MT4: variants seen among roughly 807,000 people sequenced by gnomAD.
MT4 encodes the protein metallothionein 4.
Under a neutral mutation model 9.5 loss-of-function variants are expected in MT4, and 11 were observed. The observed-to-expected ratio is 1.16, with a 90% CI of 0.73 to 1.92. The LOEUF is 1.92. MT4 is among the 30% of genes most tolerant of loss of function. The probability of loss-of-function intolerance (pLI) is 0.00; values close to 1 mark genes in which losing one functional copy is unlikely to be tolerated. For missense variants in MT4, 88 were observed against 78.7 expected, an observed-to-expected ratio of 1.12 and a Z score of -0.45; for synonymous variants, 29 against 24.6, an observed-to-expected ratio of 1.18 and a Z score of -0.53.
intron 1 of MT4, among the ~76,000 whole-genome samples, chr16:56,566,691 A>G (rs1234530130): frequency 2.3e-5 from 3 of 130,006 alleles, no homozygotes; most frequent in Non-Finnish European, 4.8e-5. Flanking sequence ...AAGAAAAGAA[A>G]GAAAGAAAGA....
Position 56,565,082 on chromosome 16 carries a change from C to T in MT4, c.-47C>T. The T allele has an allele frequency of 6.2e-7, 1 of 1,611,874 alleles. No homozygotes were observed. Among genetic ancestry groups the T allele is most frequent in the Non-Finnish European group, 8.5e-7 (1 of 1,178,802 alleles). On this transcript the variant is annotated 5_prime_UTR_variant, in exon 1 of 3. Coordinates refer to ENST00000219162, the MANE Select transcript of MT4 (RefSeq NM_032935.3). Reference sequence around the variant, plus strand: ...CCTCTGGCTGCTGCTCACTCAGCCTCCCTTCCCCAGCCGTGACAGCACTGG... The same window carrying T: ...CCTCTGGCTGCTGCTCACTCAGCCTTCCTTCCCCAGCCGTGACAGCACTGG...
chr16:56,567,217 T>C (rs1489451682), intron 1 of MT4, among the ~76,000 whole-genome samples: 1 of 151,124 alleles, frequency 6.6e-6, no homozygotes, highest in Non-Finnish European at 1.5e-5. Context: ...AGAGATGGGG[T>C]TTCTCCATGT....
chr16:56,567,680 C>T (rs140589729), intron 1 of MT4, 71 bp from the exon 2 acceptor site: 36 of 1,409,746 alleles, frequency 2.6e-5, no homozygotes, highest in South Asian at 2.5e-4. Context: ...CTCTGACAGT[C>T]GGCATCATGC....
At chr16:56,566,741 AGAAAGAAG>A (rs1451503321) in intron 1 of MT4, among the ~76,000 whole-genome samples, 9 of 26,890 alleles carry the variant, frequency 3.3e-4, no homozygotes, top group South Asian at 1.1e-3. Flanking sequence ...AAAGAAAGAA[AGAAAGAAG>A]GAAGGAAGGA....
At chr16:56,566,629 GGAGA>G (rs148872226) in intron 1 of MT4, among the ~76,000 whole-genome samples, 9,514 of 142,828 alleles carry the variant, frequency 0.067, 364 homozygotes, top group East Asian at 0.18. Flanking sequence ...GGAGAAAGGG[GGAGA>G]GAGAGAGAGA....
intron 1 of MT4, among the ~76,000 whole-genome samples, chr16:56,565,595 T>C (rs979614295): frequency 6.6e-6 from 1 of 152,222 alleles, no homozygotes; most frequent in Non-Finnish European, 1.5e-5. Context: ...AGAGCTGCTA[T>C]GAAAGTGCTA....
intron 1 of MT4, among the ~76,000 whole-genome samples, chr16:56,566,594 G>GAGAGAGAA (rs1376853297): frequency 1.4e-5 from 2 of 147,366 alleles, no homozygotes; most frequent in Admixed American, 1.4e-4. Flanking sequence ...GGAAGAGAGA[G>GAGAGAGAA]AGAGAGAAAG....
At chr16:56,566,734 GAAAGAAAGAAA>G (rs1567329834) in intron 1 of MT4, among the ~76,000 whole-genome samples, 929 of 35,964 alleles carry the variant, frequency 0.026, 10 homozygotes, top group African/African-American at 0.032. Context: ...AAGAAAGAAA[GAAAGAAAGAAA>G]GAAGGAAGGA....
At chr16:56,566,717 A>G (rs1426869534) in intron 1 of MT4, among the ~76,000 whole-genome samples, 4 of 28,472 alleles carry the variant, frequency 1.4e-4, no homozygotes, top group Non-Finnish European at 2.6e-4. Flanking sequence ...AAAGAAAGAA[A>G]GAAAGAAAGA....
At chr16:56,566,738 GAAA>G (rs1567329848) in intron 1 of MT4, among the ~76,000 whole-genome samples, 1,128 of 54,620 alleles carry the variant, frequency 0.021, 10 homozygotes, top group Non-Finnish European at 0.026. Flanking sequence ...AAGAAAGAAA[GAAA>G]GAAAGAAGGA....
intron 1 of MT4, among the ~76,000 whole-genome samples, chr16:56,567,382 C>T (rs1369491784): frequency 2.0e-5 from 3 of 152,214 alleles, no homozygotes; most frequent in Middle Eastern, 6.8e-3. Flanking sequence ...GAAACGCTGG[C>T]CTCGTCTGTT....
intron 2 of MT4, among the ~76,000 whole-genome samples, 172 bp downstream of exon 2, chr16:56,567,988 A>G (rs961717433): frequency 6.6e-6 from 1 of 151,656 alleles, no homozygotes; most frequent in Non-Finnish European, 1.5e-5. Context: ...CCCCATCTCT[A>G]CTAAAAATAC....
intron 1 of MT4, among the ~76,000 whole-genome samples, chr16:56,566,385 G>A (rs1316403319): frequency 6.6e-6 from 1 of 151,916 alleles, no homozygotes; most frequent in Non-Finnish European, 1.5e-5. Flanking sequence ...AATTAGCCAG[G>A]TGTGGTGGTG....
At position 56,568,253 on chromosome 16, in the gene MT4, A is replaced by AGAGAG. The variant is rs1567330586; in HGVS notation, c.97+437_97+438insGAGAG. Among the ~76,000 whole-genome samples the AGAGAG allele has an allele frequency of 3.3e-4, 23 of 69,250 alleles. 1 individual carries two copies. Among genetic ancestry groups the AGAGAG allele is most frequent in the East Asian group, 2.4e-3 (5 of 2,102 alleles). The allele number at this position is 69,250 out of a possible 152,430, so 45.4% of individuals were successfully genotyped here. A position where few individuals can be genotyped will look rare whatever the true frequency, so the allele number is the denominator to read the frequency against. Reference sequence around the variant, plus strand: ...AAAGAAAGAAAGAAAGAAAGAAAGAAAGAAAGAGAGAGAGAGAGAGAAAGA... The same window carrying AGAGAG: ...AAAGAAAGAAAGAAAGAAAGAAAGAAGAGAGAGAAAGAGAGAGAGAGAGAGAAAGA... On this transcript the variant is annotated intron_variant, in intron 2 of 2. Coordinates refer to ENST00000219162, the MANE Select transcript of MT4 (RefSeq NM_032935.3).
chr16:56,567,178 C>T (rs1160007662), intron 1 of MT4, among the ~76,000 whole-genome samples: 1 of 151,666 alleles, frequency 6.6e-6, no homozygotes, highest in African/African-American at 2.4e-5. Flanking sequence ...TGTGTGCCAC[C>T]ACGCCTGGCT....
chr16:56,565,968 AAGGG>A (rs1959512749), intron 1 of MT4, among the ~76,000 whole-genome samples: 1 of 151,392 alleles, frequency 6.6e-6, no homozygotes, highest in Non-Finnish European at 1.5e-5. Flanking sequence ...GGACGCTGAG[AAGGG>A]AGGATCACTT....
chr16:56,567,230 G>A (rs955898578), intron 1 of MT4, among the ~76,000 whole-genome samples: 2 of 151,754 alleles, frequency 1.3e-5, no homozygotes, highest in Non-Finnish European at 2.9e-5. Flanking sequence ...CTCCATGTTG[G>A]CCAAGCTGAT....
Position 56,565,119 on chromosome 16 carries a change from C to T in MT4, c.-10C>T, listed in dbSNP as rs536338888. 1.2e-5 allele frequency: 19 copies of T among 1,613,264 alleles called. No individual in the cohort carries two copies. In the East Asian group the frequency reaches 3.6e-4, roughly 30 times the overall value. ...CGTGACAGCACTGGAGCCTTTCGGA[C>T]ACCTGGACCATGGACCCCAGGGAAT... On this transcript the variant is annotated 5_prime_UTR_variant, in exon 1 of 3. Transcript: ENST00000219162.
chr16:56,566,696 GAAAGAGAA>G (rs1181331692), intron 1 of MT4, among the ~76,000 whole-genome samples: 36 of 108,096 alleles, frequency 3.3e-4, no homozygotes, highest in Middle Eastern at 4.2e-3. Flanking sequence ...AAGAAAGAAA[GAAAGAGAA>G]AGAAAGAAAG....
Sources: allele counts gnomAD v4.1 joint callset (sites outside exome capture counted in the v4.1 genomes callset), GRCh38; gene constraint gnomAD v4.1.1; transcripts MANE v1.5; gene names NCBI Gene and HGNC (gene_info 2026-07-23, HGNC 2026-07-21).